The following MROH2B variants were observed in gnomAD, a reference collection of about 807,000 sequenced individuals.
MROH2B encodes the protein maestro heat-like repeat-containing protein family member 2B.
MROH2B carries 177 observed loss-of-function variants against 208.6 expected under a neutral mutation model. The ratio of observed to expected loss-of-function variants is 0.85; its 90% CI spans 0.75 to 0.96. The LOEUF is 0.96. Among genes scored for constraint, MROH2B ranks in the 40% least tolerant of loss-of-function variants. The probability of loss-of-function intolerance (pLI) is 0.00; values close to 1 mark genes in which losing one functional copy is unlikely to be tolerated. For synonymous variants in MROH2B, 728 were observed against 659.0 expected, an observed-to-expected ratio of 1.10 and a Z score of -1.60; for missense variants, 2,002 against 1,878.7, an observed-to-expected ratio of 1.07 and a Z score of -1.21.
intron 20 of MROH2B, among the ~76,000 whole-genome samples, chr5:41,039,143 C>T (rs1742860389): frequency 6.6e-6 from 1 of 152,108 alleles, no homozygotes; most frequent in African/African-American, 2.4e-5. Flanking sequence ...GGCCCCTTTC[C>T]TTCAGGGAAA....
At chr5:41,030,734 C>A (rs550350620) in intron 24 of MROH2B, among the ~76,000 whole-genome samples, 1 of 152,028 alleles carries the variant, frequency 6.6e-6, no homozygotes, top group Non-Finnish European at 1.5e-5. Context: ...ACTATAGTTA[C>A]TGAAACAGCA....
chr5:40,998,407 T>A (rs1373801315), intron 41 of MROH2B, among the ~76,000 whole-genome samples: 2 of 152,352 alleles, frequency 1.3e-5, no homozygotes, highest in Middle Eastern at 3.4e-3. Flanking sequence ...AATCGTAGTC[T>A]ATTGGTGTTT....
At chr5:41,048,523 ATT>A in intron 15 of MROH2B, 58 bp from the exon 16 acceptor site, 1 of 1,511,598 alleles carries the variant, frequency 6.6e-7, no homozygotes, top group African/African-American at 1.4e-5. Flanking sequence ...AGCCCCACTT[ATT>A]TTTCCCTTTT....
chr5:41,044,249 CAA>C (rs35282921), intron 18 of MROH2B, among the ~76,000 whole-genome samples: 29,533 of 129,038 alleles, frequency 0.23, 3,066 homozygotes, highest in Middle Eastern at 0.31. Context: ...GACTCCATCT[CAA>C]AAAAAAAAAA....
chr5:41,018,331 G>T lies in MROH2B; in HGVS notation c.2763+10C>A. The T allele has an allele frequency of 1.2e-6, 2 of 1,608,686 alleles. No individual in the cohort carries two copies. The highest frequency in any genetic ancestry group is 1.1e-5 in the South Asian group (1 of 89,972). Reference sequence around the variant, plus strand: ...GCAATAAAGTCTATTCATTCTAGGGGATTACTTACCTCAATATCATTTGTC... The same window carrying T: ...GCAATAAAGTCTATTCATTCTAGGGTATTACTTACCTCAATATCATTTGTC... On this transcript the variant is annotated intron_variant, in intron 27 of 41. Coordinates refer to ENST00000399564, the MANE Select transcript of MROH2B (RefSeq NM_173489.5).
At chr5:41,070,530 T>C (rs546761517) in intron 1 of MROH2B, among the ~76,000 whole-genome samples, 1 of 152,274 alleles carries the variant, frequency 6.6e-6, no homozygotes, top group Admixed American at 6.5e-5. Flanking sequence ...TCCAAAGGAC[T>C]CTTCTAGTAT....
intron 24 of MROH2B, among the ~76,000 whole-genome samples, chr5:41,021,323 G>A (rs367978967): frequency 5.3e-5 from 8 of 152,116 alleles, no homozygotes; most frequent in African/African-American, 1.4e-4. Flanking sequence ...CTTTGTTCAC[G>A]AATTAAACAA....
intron 33 of MROH2B, 99 bp downstream of exon 33, chr5:41,008,507 A>C: frequency 7.4e-7 from 1 of 1,347,846 alleles, no homozygotes; most frequent in South Asian, 1.4e-5. Flanking sequence ...TGGACAATGG[A>C]TGCTATGACA....
Position 41,071,106 on chromosome 5 carries a change from G to A in MROH2B, c.-254C>T, listed in dbSNP as rs1040852856. ...TGAACTCCTGCTAACCAACAAAATG[G>A]CTGCATCTCACCAAATATTGTCCCT... On this transcript the variant is annotated 5_prime_UTR_variant, in exon 1 of 42. Transcript: ENST00000399564. 2.3e-6 allele frequency: 1 copy of A among 434,964 alleles called. No homozygotes were observed. The highest frequency in any genetic ancestry group is 3.6e-5 in the East Asian group (1 of 27,570). 26.9% of individuals were successfully genotyped at this position (434,964 alleles called of 1,614,324 possible). A position where few individuals can be genotyped will look rare whatever the true frequency, so the allele number is the denominator to read the frequency against.
At chr5:41,037,887 A>C (rs1017360375) in intron 21 of MROH2B, among the ~76,000 whole-genome samples, 2 of 152,216 alleles carry the variant, frequency 1.3e-5, no homozygotes, top group Non-Finnish European at 1.5e-5. Flanking sequence ...TTAGGTGGCC[A>C]GCCTGGTATT....
At chr5:41,048,170 A>G in intron 16 of MROH2B, 154 bp downstream of exon 16, 1 of 817,148 alleles carries the variant, frequency 1.2e-6, no homozygotes. Flanking sequence ...GAACATAAGG[A>G]GTTAAGAAGA....
intron 5 of MROH2B, among the ~76,000 whole-genome samples, chr5:41,063,966 T>C (rs1375010407): frequency 1.3e-5 from 2 of 152,244 alleles, no homozygotes; most frequent in Non-Finnish European, 2.9e-5. Context: ...TGATTGCTTG[T>C]AGTTTGATTA....
chr5:41,039,261 T>G (rs1742866718), intron 20 of MROH2B, among the ~76,000 whole-genome samples, 187 bp downstream of exon 20: 1 of 152,064 alleles, frequency 6.6e-6, no homozygotes, highest in East Asian at 1.9e-4. Flanking sequence ...AGCTTTAGGG[T>G]CAGAGAAAAT....
chr5:41,036,511 T>C (rs1391013866), intron 21 of MROH2B, among the ~76,000 whole-genome samples: 4 of 152,268 alleles, frequency 2.6e-5, no homozygotes, highest in East Asian at 1.9e-4. Flanking sequence ...ACAGTAAATA[T>C]ACCATGGATT....
chr5:41,006,900 T>C (rs949186101), intron 34 of MROH2B, among the ~76,000 whole-genome samples: 1 of 152,120 alleles, frequency 6.6e-6, no homozygotes, highest in Admixed American at 6.5e-5. Flanking sequence ...CCTCAGGTGA[T>C]GGGTGCACCA....
intron 22 of MROH2B, 95 bp downstream of exon 22, chr5:41,033,743 C>G: frequency 9.9e-7 from 1 of 1,007,172 alleles, no homozygotes; most frequent in East Asian, 2.7e-5. Context: ...GGAATCAAAT[C>G]AAAAGGACAT....
In MROH2B at chr5:41,000,141, G is replaced by C. The variant is rs1376177; in HGVS notation, c.4482+79C>G. ...TTCTGGCTCTGGCCAGAAATTCCTTGCTACATTGTTTGCCCTTCTGCGATT... is the reference window on the plus strand; with the variant it reads ...TTCTGGCTCTGGCCAGAAATTCCTTCCTACATTGTTTGCCCTTCTGCGATT... On this transcript the variant is annotated intron_variant, in intron 39 of 41. Coordinates refer to ENST00000399564, the MANE Select transcript of MROH2B (RefSeq NM_173489.5). The C allele has an allele frequency of 3.8e-6, 6 of 1,561,002 alleles. No homozygotes were observed. The African/African-American group carries it at 6.9e-5, about 18-fold the overall frequency.
intron 5 of MROH2B, 25 bp downstream of exon 5, chr5:41,064,447 A>G (rs764841051): frequency 6.2e-7 from 1 of 1,600,920 alleles, no homozygotes; most frequent in South Asian, 1.1e-5. Flanking sequence ...TTTTTAAGCA[A>G]AAAGGAAATC....
intron 28 of MROH2B, among the ~76,000 whole-genome samples, chr5:41,017,019 C>G (rs1461135377): frequency 6.6e-6 from 1 of 152,046 alleles, no homozygotes; most frequent in Non-Finnish European, 1.5e-5. Context: ...CTCTGTGTCC[C>G]CAGCATTAGA....
Sources: gnomAD v4.1 joint callset for allele counts (sites outside exome capture counted in the v4.1 genomes callset) on GRCh38, gnomAD v4.1.1 for gene constraint, MANE v1.5 for transcripts, NCBI Gene and HGNC (gene_info 2026-07-23, HGNC 2026-07-21) for gene names.